Variants in TBC1D4 observed in about 807,000 individuals in gnomAD.
TBC1D4 encodes the protein TBC (Tre-2, BUB2, CDC16) domain-containing protein.
TBC1D4 carries 121 observed loss-of-function variants against 142.5 expected under a neutral mutation model. The ratio of observed to expected loss-of-function variants is 0.85; its 90% CI spans 0.73 to 0.99. TBC1D4 has a LOEUF of 0.99. TBC1D4 is among the 50% of genes least tolerant of loss of function. The probability of loss-of-function intolerance (pLI) is 0.00; values close to 1 mark genes in which losing one functional copy is unlikely to be tolerated. For missense variants in TBC1D4, 1,475 were observed against 1,606.6 expected, an observed-to-expected ratio of 0.92 and a Z score of 1.40; for synonymous variants, 630 against 628.2, an observed-to-expected ratio of 1.00 and a Z score of -0.04.
chr13:75,450,983 G>A (rs1293020956), intron 1 of TBC1D4, among the ~76,000 whole-genome samples: 1 of 152,170 alleles, frequency 6.6e-6, no homozygotes, highest in Non-Finnish European at 1.5e-5. Context: ...CCACTCAGGA[G>A]CTAGGACAAA....
chr13:75,451,171 T>A (rs762600973), intron 1 of TBC1D4, among the ~76,000 whole-genome samples: 1 of 152,350 alleles, frequency 6.6e-6, no homozygotes. Flanking sequence ...GTGGTTTGGG[T>A]AAATCACTTA....
intron 5 of TBC1D4, among the ~76,000 whole-genome samples, chr13:75,346,609 C>A (rs184577222): frequency 6.6e-6 from 1 of 152,130 alleles, no homozygotes; most frequent in Non-Finnish European, 1.5e-5. Context: ...AATAAACATA[C>A]GTGTGCATGT....
chr13:75,312,670 C>A (rs1877892061), intron 13 of TBC1D4, 68 bp downstream of exon 13: 15 of 1,587,920 alleles, frequency 9.4e-6, no homozygotes, highest in Non-Finnish European at 1.3e-5. Context: ...TTATACACAG[C>A]ACGTGCATTC....
At chr13:75,302,751 C>A (rs1239220824) in intron 15 of TBC1D4, 2 of 331,958 alleles carry the variant, frequency 6.0e-6, no homozygotes, top group South Asian at 3.0e-5. Context: ...ACTATTAGGT[C>A]CACTTTATAG....
At chr13:75,409,610 G>A (rs1475859433) in intron 1 of TBC1D4, among the ~76,000 whole-genome samples, 1 of 152,138 alleles carries the variant, frequency 6.6e-6, no homozygotes, top group Admixed American at 6.5e-5. Context: ...ACAGTTTGAT[G>A]CAGATTGACC....
chr13:75,437,345 TA>T (rs1196046991), intron 1 of TBC1D4, among the ~76,000 whole-genome samples: 5 of 152,062 alleles, frequency 3.3e-5, no homozygotes, highest in African/African-American at 7.2e-5. Context: ...TTTAAGTTGT[TA>T]AAAAAAATTA....
intron 1 of TBC1D4, among the ~76,000 whole-genome samples, chr13:75,379,783 T>C (rs1883711828): frequency 6.6e-6 from 1 of 151,944 alleles, no homozygotes; most frequent in South Asian, 2.1e-4. Context: ...CTCCCAGTTT[T>C]AGTTGATAAA....
At chr13:75,368,890 A>C (rs1883072461) in intron 1 of TBC1D4, among the ~76,000 whole-genome samples, 1 of 152,078 alleles carries the variant, frequency 6.6e-6, no homozygotes, top group African/African-American at 2.4e-5. Context: ...TTAAAAACAC[A>C]AAAATTAGCC....
chr13:75,306,428 A>G lies in TBC1D4; in HGVS notation c.2637T>C (p.Tyr879=). The change falls in exon 15 of 21, where the codon TAT becomes TAC. Residue 879 remains tyrosine, a synonymous_variant. Coordinates refer to ENST00000377636, the MANE Select transcript of TBC1D4 (RefSeq NM_014832.5). ...ELQSRKVKLD[Y]EEVGACQKEV... ...CTTTCTGACATGCACCAACTTCTTC[A>G]TAGTCTAATTTAACTTTTCTGGACT... is the stretch of plus-strand genomic sequence containing the variant. 1 of 1,613,504 alleles carries G rather than the reference A, an allele frequency of 6.2e-7. No homozygotes were observed. Among genetic ancestry groups the G allele is most frequent in the Non-Finnish European group, 8.5e-7 (1 of 1,179,886 alleles).
chr13:75,287,039 A>C lies in TBC1D4; in HGVS notation c.3664-14T>G. ...AGTATGAGCTACCTGTTTGGGGGGG[A>C]AAAAATCCTCCAAATCAAATGATTC... On this transcript the variant is annotated splice_polypyrimidine_tract_variant and intron_variant, in intron 20 of 20. Coordinates refer to ENST00000377636, the MANE Select transcript of TBC1D4 (RefSeq NM_014832.5). 1 of 1,556,662 alleles carries C rather than the reference A, an allele frequency of 6.4e-7. No individual in the cohort carries two copies. The highest frequency in any genetic ancestry group is 8.6e-7 in the Non-Finnish European group (1 of 1,160,564).
At position 75,310,109 on chromosome 13, in the gene TBC1D4, G is replaced by A. The variant is rs374479643; in HGVS notation, c.2426C>T (p.Ser809Phe). 6.2e-7 allele frequency: 1 copy of A among 1,614,058 alleles called. No homozygotes were observed. Among genetic ancestry groups the A allele is most frequent in the Non-Finnish European group, 8.5e-7 (1 of 1,179,976 alleles). Residue 809 changes from serine to phenylalanine, a missense_variant, in exon 14 of 21, where the codon TCT (serine) becomes TTT (phenylalanine). Ser to Phe is a radical substitution (Grantham distance 155). This residue lies in a region of TBC1D4 where 1,227 missense variants were observed against 1,267.7 expected (regional missense o/e 0.97). Transcript: ENST00000377636. ...CAGCGGTTCCTCCTCCATGGTTGGA[G>A]AGAGGGGGGACAGTGGCAGCAGCTC... ...RNELLPLSPL[S>F]PTMEEEPLVV...
intron 1 of TBC1D4, among the ~76,000 whole-genome samples, chr13:75,443,421 T>A (rs1270561687): frequency 6.6e-6 from 1 of 152,166 alleles, no homozygotes; most frequent in Non-Finnish European, 1.5e-5. Context: ...CACTGCCAAG[T>A]GTGGGTAAGA....
chr13:75,479,718 A>G (rs1262261133), intron 1 of TBC1D4, among the ~76,000 whole-genome samples: 1 of 152,256 alleles, frequency 6.6e-6, no homozygotes, highest in East Asian at 1.9e-4. Context: ...AAAATGTAAT[A>G]GCTTTCAGAA....
intron 1 of TBC1D4, among the ~76,000 whole-genome samples, chr13:75,389,569 T>C (rs777151082): frequency 2.2e-4 from 33 of 152,306 alleles, no homozygotes; most frequent in Non-Finnish European, 3.1e-4. Flanking sequence ...TTTGTTATTT[T>C]TTAATGACAA....
intron 1 of TBC1D4, among the ~76,000 whole-genome samples, chr13:75,369,497 TCACACACACACACACA>T (rs67470405): frequency 0.33 from 49,524 of 150,576 alleles, 10,290 homozygotes; most frequent in African/African-American, 0.6. Context: ...AGACCCTGTC[TCACACACACACACACA>T]CACACACACA....
intron 8 of TBC1D4, among the ~76,000 whole-genome samples, chr13:75,329,246 T>C (rs1482716975): frequency 6.6e-6 from 1 of 152,142 alleles, no homozygotes; most frequent in African/African-American, 2.4e-5. Context: ...TATTTTACTA[T>C]GATTATGTCT....
intron 1 of TBC1D4, among the ~76,000 whole-genome samples, chr13:75,465,570 T>A (rs1028873038): frequency 6.6e-6 from 1 of 152,188 alleles, no homozygotes; most frequent in Non-Finnish European, 1.5e-5. Flanking sequence ...GAGGTCCCTG[T>A]GCAAAGCAAA....
chr13:75,409,450 T>C (rs1018729546), intron 1 of TBC1D4, among the ~76,000 whole-genome samples: 2 of 152,218 alleles, frequency 1.3e-5, no homozygotes, highest in African/African-American at 4.8e-5. Flanking sequence ...TCCATTTCAG[T>C]AGCCCATTTC....
chr13:75,366,312 G>A (rs1882905191), intron 1 of TBC1D4, among the ~76,000 whole-genome samples: 1 of 152,180 alleles, frequency 6.6e-6, no homozygotes, highest in Admixed American at 6.5e-5. Context: ...TTGCACCTCT[G>A]CCAGATAACT....
Sources: gnomAD v4.1 joint callset for allele counts (sites outside exome capture counted in the v4.1 genomes callset) on GRCh38, gnomAD v4.1.1 for gene constraint, gnomAD v4.1.1 regional missense constraint, MANE v1.5 for transcripts, NCBI Gene and HGNC (gene_info 2026-07-23, HGNC 2026-07-21) for gene names.